Variants in SMARCC1 observed in about 807,000 individuals in gnomAD.
SMARCC1 encodes SWI/SNF complex subunit SMARCC1.
SMARCC1 carries 43 observed loss-of-function variants against 147.4 expected under a neutral mutation model. That is an observed-to-expected ratio of 0.29 (90% CI 0.23 to 0.38). The LOEUF (loss-of-function observed/expected upper bound fraction) is 0.38. Ranked by LOEUF, SMARCC1 falls within the 10% of genes least tolerant of loss-of-function variation. The probability of loss-of-function intolerance (pLI) is 1.00; values close to 1 mark genes in which losing one functional copy is unlikely to be tolerated. For missense variants in SMARCC1, 1,119 were observed against 1,381.1 expected, an observed-to-expected ratio of 0.81 and a Z score of 3.01; for synonymous variants, 495 against 484.4, an observed-to-expected ratio of 1.02 and a Z score of -0.29.
chr3:47,740,205 TTTTTTTA>T (rs2034493497), intron 3 of SMARCC1, among the ~76,000 whole-genome samples: 2 of 130,118 alleles, frequency 1.5e-5, no homozygotes, highest in Admixed American at 1.6e-4. Flanking sequence ...TTTTTTTTTT[TTTTTTTA>T]AAAGACAGAC....
chr3:47,682,881 C>G (rs1222397184), intron 14 of SMARCC1, among the ~76,000 whole-genome samples: 2 of 152,088 alleles, frequency 1.3e-5, no homozygotes, highest in East Asian at 3.9e-4. Context: ...GAATGTTAAA[C>G]ACATAATTGC....
chr3:47,762,550 G>A (rs1379680658), intron 2 of SMARCC1, among the ~76,000 whole-genome samples: 1 of 152,194 alleles, frequency 6.6e-6, no homozygotes, highest in Non-Finnish European at 1.5e-5. Flanking sequence ...TGTTAGAACT[G>A]GCTATGACAA....
At chr3:47,618,779 T>G (rs547430172) in intron 25 of SMARCC1, among the ~76,000 whole-genome samples, 3 of 152,226 alleles carry the variant, frequency 2.0e-5, no homozygotes, top group African/African-American at 4.8e-5. Flanking sequence ...CCGGGGGACC[T>G]GCAGGTTCAT....
At chr3:47,701,180 T>C in intron 11 of SMARCC1, 98 bp downstream of exon 11, 1 of 959,222 alleles carries the variant, frequency 1.0e-6, no homozygotes, top group Non-Finnish European at 1.6e-6. Flanking sequence ...TACTTGAAAG[T>C]CGAGAACTGT....
intron 2 of SMARCC1, among the ~76,000 whole-genome samples, chr3:47,769,238 C>T (rs1380018283): frequency 1.4e-5 from 2 of 144,924 alleles, no homozygotes; most frequent in African/African-American, 5.1e-5. Flanking sequence ...AAAAAAGGGC[C>T]GGGCACAGTG....
chr3:47,680,098 G>A (rs1294522281), intron 15 of SMARCC1: 3 of 216,304 alleles, frequency 1.4e-5, no homozygotes, highest in Non-Finnish European at 2.7e-5. Context: ...ACATGTGCCT[G>A]TAGTCCCAGC....
Position 47,603,515 on chromosome 3 carries a change from T to G in SMARCC1, c.3043+6551A>C, listed in dbSNP as rs372642687. ...ACCTCAGCAAACAGCAGCCACCACC[T>G]AGGCCATTCTCCTCTGTGGTTCCCC... On this transcript the variant is annotated intron_variant, in intron 26 of 27. Coordinates refer to ENST00000254480, the MANE Select transcript of SMARCC1 (RefSeq NM_003074.4). The G allele has an allele frequency of 1.2e-3, 179 of 155,018 alleles. 4 individuals are homozygous for G. In the South Asian group the frequency reaches 0.033, roughly 29 times the overall value. 9.6% of individuals were successfully genotyped at this position (155,018 alleles called of 1,614,324 possible).
In SMARCC1 at chr3:47,609,918, A is replaced by C. The variant is rs1221376817; in HGVS notation, c.3043+148T>G. Reference sequence around the variant, plus strand: ...AAGGCTTCATGTGGCGATAACCCTAAATCTCACATGCCTACAATTTTCTAG... The same window carrying C: ...AAGGCTTCATGTGGCGATAACCCTACATCTCACATGCCTACAATTTTCTAG... On this transcript the variant is annotated intron_variant, in intron 26 of 27. Coordinates refer to ENST00000254480, the MANE Select transcript of SMARCC1 (RefSeq NM_003074.4). 3.6e-6 allele frequency: 3 copies of C among 839,452 alleles called. No homozygotes were observed. The Admixed American group carries it at 8.3e-5, about 23-fold the overall frequency. The allele number at this position is 839,452 out of a possible 1,614,324, so 52.0% of individuals were successfully genotyped here.
In SMARCC1 at chr3:47,781,607, T is replaced by G; in HGVS notation, c.191A>C (p.Lys64Thr). 1 of 1,543,694 alleles carries G rather than the reference T, an allele frequency of 6.5e-7. No homozygotes were observed. Among genetic ancestry groups the G allele is most frequent in the Non-Finnish European group, 8.7e-7 (1 of 1,149,572 alleles). The change falls in exon 1 of 28, where the codon AAG becomes ACG. Residue 64 changes from lysine (K) to threonine (T), a missense_variant. Physicochemically the swap from Lys to Thr is moderately conservative, Grantham distance 78 (BLOSUM62 -1). Around this residue, in one of 6 missense-constraint regions of SMARCC1, gnomAD observed 542 missense variants for 611.8 expected, o/e 0.89. Transcript: ENST00000254480. ...CCCACGGGCGCGCGAACCCACCTTCTTGTAGTGCTTGCCCAGCCAGACCCG... is the reference window on the plus strand; with the variant it reads ...CCCACGGGCGCGCGAACCCACCTTCGTGTAGTGCTTGCCCAGCCAGACCCG... Reference protein sequence around the residue: ...SVRVWLGKHYKKYVHADAPTN... With the variant: ...SVRVWLGKHYTKYVHADAPTN...
chr3:47,690,460 AAAGT>A (rs1371918265), intron 12 of SMARCC1, among the ~76,000 whole-genome samples: 5 of 152,302 alleles, frequency 3.3e-5, no homozygotes, highest in Admixed American at 2.0e-4. Flanking sequence ...TATTCCACAA[AAAGT>A]AAGAAACCAA....
rs908679421 is a variant in SMARCC1 at position 47,773,013 on chromosome 3, A to G, written c.196-77T>C. ...AATGTTGGCTTACTTCCTAGTACCTACTAAGTACTTACGTTATGGGAAATT... is the reference window on the plus strand; with the variant it reads ...AATGTTGGCTTACTTCCTAGTACCTGCTAAGTACTTACGTTATGGGAAATT... On this transcript the variant is annotated intron_variant, in intron 1 of 27. Transcript: ENST00000254480. The G allele has an allele frequency of 3.0e-4, 407 of 1,346,698 alleles. 1 individual carries two copies. Among genetic ancestry groups the G allele is most frequent in the Non-Finnish European group, 2.0e-4 (195 of 960,044 alleles). The allele number at this position is 1,346,698 out of a possible 1,614,324, so 83.4% of individuals were successfully genotyped here.
Position 47,735,953 on chromosome 3 carries a change from T to C in SMARCC1, c.576+81A>G, listed in dbSNP as rs2034437701. 3 of 611,220 alleles carry C rather than the reference T, an allele frequency of 4.9e-6. No homozygotes were observed. In the South Asian group the frequency reaches 9.1e-5, roughly 19 times the overall value. The allele number at this position is 611,220 out of a possible 1,614,324, so 37.9% of individuals were successfully genotyped here. On this transcript the variant is annotated intron_variant, in intron 5 of 27. Transcript: ENST00000254480. ...TATCAAAAAATCCAAAACATTACTA[T>C]GGTTGTCATTTATTAGAGGCTTACA...
chr3:47,757,587 T>C (rs894396170), intron 2 of SMARCC1, among the ~76,000 whole-genome samples: 2 of 151,770 alleles, frequency 1.3e-5, no homozygotes, highest in Non-Finnish European at 2.9e-5. Context: ...CCATCCTGGC[T>C]AACACGTGAA....
chr3:47,595,741 TC>T lies in SMARCC1; in HGVS notation c.3044-4905del, dbSNP rs201086928. ...GCTTATAAAGGTTTCTTTTTCTTTTTCTTTTTTTTTGAGACGGGAGTCTCAC... is the reference window on the plus strand; with the variant it reads ...GCTTATAAAGGTTTCTTTTTCTTTTTTTTTTTTTTGAGACGGGAGTCTCAC... On this transcript the variant is annotated intron_variant, in intron 26 of 27. Coordinates refer to ENST00000254480, the MANE Select transcript of SMARCC1 (RefSeq NM_003074.4). Among the ~76,000 whole-genome samples, 208 of 146,082 alleles carry T rather than the reference TC, an allele frequency of 1.4e-3. 18 individuals are homozygous for T. Among genetic ancestry groups the T allele is most frequent in the South Asian group, 2.6e-3 (12 of 4,600 alleles).
chr3:47,710,874 G>C, intron 8 of SMARCC1, 66 bp from the exon 9 acceptor site: 1 of 1,356,964 alleles, frequency 7.4e-7, no homozygotes, highest in Admixed American at 2.4e-5. Flanking sequence ...TTACAGTATT[G>C]AGAAGGAAAC....
At chr3:47,652,481 C>G (rs181024557) in intron 21 of SMARCC1, among the ~76,000 whole-genome samples, 2 of 152,270 alleles carry the variant, frequency 1.3e-5, no homozygotes, top group Admixed American at 6.5e-5. Context: ...GAAAACCACA[C>G]AGACACATCT....
At chr3:47,739,731 T>G (rs929139632) in intron 3 of SMARCC1, among the ~76,000 whole-genome samples, 2 of 152,128 alleles carry the variant, frequency 1.3e-5, no homozygotes, top group Admixed American at 1.3e-4. Context: ...GCTATTTTAT[T>G]CTGGAGATGT....
chr3:47,773,454 T>A (rs1406322152), intron 1 of SMARCC1, among the ~76,000 whole-genome samples: 1 of 148,232 alleles, frequency 6.7e-6, no homozygotes, highest in Non-Finnish European at 1.5e-5. Context: ...TCCATATTAA[T>A]GTAAAGAATG....
intron 21 of SMARCC1, among the ~76,000 whole-genome samples, chr3:47,657,185 C>T (rs2033274079): frequency 6.6e-6 from 1 of 152,172 alleles, no homozygotes; most frequent in African/African-American, 2.4e-5. Context: ...CAATACCCCA[C>T]TTTCAATAAA....
Sources: gnomAD v4.1 joint callset for allele counts (sites outside exome capture counted in the v4.1 genomes callset) on GRCh38, gnomAD v4.1.1 for gene constraint, gnomAD v4.1.1 regional missense constraint, MANE v1.5 for transcripts, NCBI Gene and HGNC (gene_info 2026-07-23, HGNC 2026-07-21) for gene names.